Variants in NPHS2 observed in about 807,000 individuals in gnomAD.
The protein encoded by NPHS2 is podocin.
NPHS2 carries 36 observed loss-of-function variants against 37.1 expected under a neutral mutation model. The observed-to-expected ratio is 0.97, with a 90% CI of 0.74 to 1.28. NPHS2 has a LOEUF of 1.28. Ranked by LOEUF, NPHS2 falls within the 50% of genes most tolerant of loss-of-function variation. NPHS2 has a pLI of 0.00. For synonymous variants in NPHS2, 196 were observed against 189.3 expected (o/e 1.04, Z -0.29); for missense variants, 447 against 488.1 (o/e 0.92, Z 0.79).
In NPHS2 at chr1:179,551,467, C is replaced by G. The variant is rs183677190; in HGVS notation, c.874-16G>C. On this transcript the variant is annotated splice_polypyrimidine_tract_variant and intron_variant, in intron 7 of 7. Coordinates refer to ENST00000367615, the MANE Select transcript of NPHS2 (RefSeq NM_014625.4). ...CAGCAATCATCTAGAAAACATGTGA[C>G]GAAAGCAAAGTGATTGTTCTTCATT... 3.1e-6 allele frequency: 5 copies of G among 1,612,372 alleles called. No individual in the cohort carries two copies. Among genetic ancestry groups the G allele is most frequent in the South Asian group, 1.1e-5 (1 of 90,984 alleles).
At chr1:179,558,831 T>C (rs1674030388) in intron 4 of NPHS2, among the ~76,000 whole-genome samples, 1 of 152,216 alleles carries the variant, frequency 6.6e-6, no homozygotes, top group Non-Finnish European at 1.5e-5. Context: ...ATTTTCCTAA[T>C]GTAGTGATGC....
At chr1:179,563,372 G>A (rs920135248) in intron 2 of NPHS2, among the ~76,000 whole-genome samples, 3 of 152,194 alleles carry the variant, frequency 2.0e-5, no homozygotes. Context: ...CAATTCAGTA[G>A]TGACAGTTGG....
rs750269028 is a variant in NPHS2 at position 179,575,917 on chromosome 1, G to A, written c.-53C>T. ...GCAGCGCGGGAGCGCTAGGGGCACGGGAGCGCAGTCCCTGTGGAGTCGCTG... is the reference window on the plus strand; with the variant it reads ...GCAGCGCGGGAGCGCTAGGGGCACGAGAGCGCAGTCCCTGTGGAGTCGCTG... On this transcript the variant is annotated 5_prime_UTR_variant, in exon 1 of 8. Coordinates refer to ENST00000367615, the MANE Select transcript of NPHS2 (RefSeq NM_014625.4). 8.8e-4 allele frequency: 1,187 copies of A among 1,353,402 alleles called. 1 individual carries two copies. Among genetic ancestry groups the A allele is most frequent in the Non-Finnish European group, 1.0e-3 (1,078 of 1,059,946 alleles). 83.8% of individuals were successfully genotyped at this position (1,353,402 alleles called of 1,614,324 possible).
chr1:179,570,840 C>T (rs1674526001), intron 1 of NPHS2, among the ~76,000 whole-genome samples: 1 of 152,166 alleles, frequency 6.6e-6, no homozygotes, highest in East Asian at 1.9e-4. Context: ...ACTCTTTCTT[C>T]CACTTGATTG....
rs757431701 is a variant in NPHS2, at chr1:179,552,712, G to T, written c.795-31C>A. The T allele has an allele frequency of 1.6e-5, 25 of 1,567,284 alleles. No homozygotes were observed. In the African/African-American group the frequency reaches 3.0e-4, roughly 19 times the overall value. On this transcript the variant is annotated intron_variant, in intron 6 of 7. Coordinates refer to ENST00000367615, the MANE Select transcript of NPHS2 (RefSeq NM_014625.4). ...AAAGAAAGAATGCAGGTATGTAGGT[G>T]TGCAGCCATGATTTAGGGGCCAAAG...
chr1:179,570,287 C>T (rs1263814940), intron 1 of NPHS2, among the ~76,000 whole-genome samples: 1 of 152,186 alleles, frequency 6.6e-6, no homozygotes, highest in Non-Finnish European at 1.5e-5. Context: ...AATCAGGGGT[C>T]TCACAGCTTT....
At chr1:179,561,949 G>T (rs972367923) in intron 2 of NPHS2, among the ~76,000 whole-genome samples, 1 of 152,132 alleles carries the variant, frequency 6.6e-6, no homozygotes, top group Non-Finnish European at 1.5e-5. Flanking sequence ...GGTATTACAG[G>T]TGTAAGCCAC....
chr1:179,554,609 T>A (rs1673802995), intron 5 of NPHS2, 78 bp from the exon 6 acceptor site: 8 of 1,586,336 alleles, frequency 5.0e-6, no homozygotes, highest in African/African-American at 1.3e-5. Flanking sequence ...GTGGCCATTG[T>A]TCTGTACTAA....
Position 179,575,702 on chromosome 1 carries a change from C to A in NPHS2, c.163G>T (p.Gly55Trp), listed in dbSNP as rs1409794630. 6.4e-7 allele frequency: 1 copy of A among 1,572,414 alleles called. No homozygotes were observed. Among genetic ancestry groups the A allele is most frequent in the Non-Finnish European group, 8.6e-7 (1 of 1,164,864 alleles). ...GTGGCGGCGGGCGCTCGGGGCTCCCCCGGGGTCCCCGCCCGTCCGGAGCCC... is the reference window on the plus strand; with the variant it reads ...GTGGCGGCGGGCGCTCGGGGCTCCCACGGGGTCCCCGCCCGTCCGGAGCCC... ...PSGSGRAGTP[G>W]EPRAPAATVV... is the part of the protein sequence containing the mutation. Residue 55 changes from glycine to tryptophan, a missense_variant, in exon 1 of 8, where the codon GGG becomes TGG. Physicochemically the swap from Gly to Trp is radical, Grantham distance 184. Transcript: ENST00000367615.
intron 1 of NPHS2, among the ~76,000 whole-genome samples, chr1:179,573,682 C>T (rs1382859454): frequency 1.3e-5 from 2 of 152,018 alleles, no homozygotes; most frequent in East Asian, 3.9e-4. Context: ...TTTCAGTTAC[C>T]AGTGGTAGCC....
At chr1:179,564,254 G>A (rs1674252131) in intron 2 of NPHS2, among the ~76,000 whole-genome samples, 1 of 152,162 alleles carries the variant, frequency 6.6e-6, no homozygotes, top group Non-Finnish European at 1.5e-5. Flanking sequence ...AATGGACACA[G>A]GTCTTCATTT....
At chr1:179,574,946 CT>C (rs1343880920) in intron 1 of NPHS2, among the ~76,000 whole-genome samples, 2 of 152,192 alleles carry the variant, frequency 1.3e-5, no homozygotes, top group African/African-American at 4.8e-5. Context: ...TTGTTCCAGA[CT>C]TTGTGCAAAG....
In NPHS2 at chr1:179,556,241, C is replaced by G. The variant is rs1439623367; in HGVS notation, c.738+786G>C. ...GTCCCTCTATTTGAGGTCCTCCTTC[C>G]AACTACCATGGTTCACAACCTCCTA... On this transcript the variant is annotated intron_variant, in intron 5 of 7. Coordinates refer to ENST00000367615, the MANE Select transcript of NPHS2 (RefSeq NM_014625.4). This position sits in a 1 kb window ranked among gnomAD's most constrained non-coding sequence, Gnocchi z 4.1. Among the ~76,000 whole-genome samples the G allele has an allele frequency of 6.6e-6, 1 of 152,166 alleles. No individual in the cohort carries two copies.
chr1:179,574,550 C>G (rs1301624204), intron 1 of NPHS2, among the ~76,000 whole-genome samples: 1 of 152,162 alleles, frequency 6.6e-6, no homozygotes, highest in Non-Finnish European at 1.5e-5. Context: ...AGGTTTCTGA[C>G]TGATGAAAGG....
At chr1:179,573,049 C>T (rs549872391) in intron 1 of NPHS2, among the ~76,000 whole-genome samples, 2 of 152,214 alleles carry the variant, frequency 1.3e-5, no homozygotes, top group African/African-American at 4.8e-5. Context: ...CCAGGCTGGT[C>T]TCAAACTCCA....
Position 179,564,690 on chromosome 1 carries a change from CT to C in NPHS2, c.377del (p.Lys126ArgfsTer9), listed in dbSNP as rs771320565. On this transcript the variant is annotated frameshift_variant and splice_region_variant, in exon 2 of 8. Transcript: ENST00000367615. LOFTEE classifies it high-confidence loss of function. ...CTATTGGGTCCTTATGGAATCTCAC[CT>C]TTACGCAGAACCAGATGGAAAAAGG... is the stretch of plus-strand genomic sequence containing the variant. ...TFPFSIWFCVKVVQEYERVII... is the reference protein window; with the variant it reads ...TFPFSIWFCVXVVQEYERVII... 2 of 1,613,414 alleles carry C rather than the reference CT, an allele frequency of 1.2e-6. No individual in the cohort carries two copies. The highest frequency in any genetic ancestry group is 2.2e-5 in the South Asian group (2 of 91,048).
intron 3 of NPHS2, among the ~76,000 whole-genome samples, 169 bp downstream of exon 3, chr1:179,561,120 T>C (rs1017622199): frequency 6.6e-6 from 1 of 152,240 alleles, no homozygotes; most frequent in Non-Finnish European, 1.5e-5. Flanking sequence ...CTAGTAGTAA[T>C]AGTCTCTGAA....
At chr1:179,561,834 T>C (rs956925593) in intron 2 of NPHS2, among the ~76,000 whole-genome samples, 2 of 152,130 alleles carry the variant, frequency 1.3e-5, no homozygotes, top group African/African-American at 4.8e-5. Context: ...AGATGAAGTT[T>C]CGCTCTTGTT....
At chr1:179,551,564 G>A (rs1673288505) in intron 7 of NPHS2, 113 bp from the exon 8 acceptor site, 20 of 1,216,090 alleles carry the variant, frequency 1.6e-5, no homozygotes, top group African/African-American at 3.0e-5. Flanking sequence ...TGGCAAGCAC[G>A]GTTAAGCATA....
Sources: gnomAD v4.1 joint callset for allele counts (sites outside exome capture counted in the v4.1 genomes callset) on GRCh38, gnomAD v4.1.1 for gene constraint, Gnocchi (gnomAD v3.1) non-coding constraint, MANE v1.5 for transcripts, NCBI Gene and HGNC (gene_info 2026-07-23, HGNC 2026-07-21) for gene names.